PRKCZ: variants seen among roughly 807,000 people sequenced by gnomAD.
PRKCZ encodes the protein protein kinase C zeta type.
In PRKCZ, 33 loss-of-function variants were observed where a neutral mutation model predicts 79.5. That is an observed-to-expected ratio of 0.41 (90% CI 0.31 to 0.55). PRKCZ has a LOEUF of 0.55. Ranked by LOEUF, PRKCZ falls within the 20% of genes least tolerant of loss-of-function variation. PRKCZ has a pLI of 0.19. For missense variants in PRKCZ, 578 were observed against 813.5 expected (o/e 0.71, Z 3.52); for synonymous variants, 342 against 320.9 (o/e 1.07, Z -0.70).
chr1:2,054,454 G>T (rs1659967498), intron 1 of PRKCZ, among the ~76,000 whole-genome samples: 1 of 152,078 alleles, frequency 6.6e-6, no homozygotes, highest in African/African-American at 2.4e-5. Flanking sequence ...CTATCAGCAG[G>T]GAAGTGCCAG....
chr1:2,106,072 G>A (rs575930384), intron 4 of PRKCZ, among the ~76,000 whole-genome samples: 1 of 152,358 alleles, frequency 6.6e-6, no homozygotes, highest in African/African-American at 2.4e-5. Context: ...CCTCAGGATT[G>A]TTGGGAGATG....
intron 4 of PRKCZ, among the ~76,000 whole-genome samples, chr1:2,079,908 C>G (rs1663165454): frequency 6.6e-6 from 1 of 152,288 alleles, no homozygotes; most frequent in African/African-American, 2.4e-5. Context: ...GGGCATCTCA[C>G]CCCTAGTAAG....
rs1402573503 is a variant in PRKCZ at position 2,149,975 on chromosome 1, G to T, written c.688-815G>T. On this transcript the variant is annotated intron_variant, in intron 8 of 17. Transcript: ENST00000378567. This position sits in a 1 kb window ranked among gnomAD's most constrained non-coding sequence, Gnocchi z 4.1. ...AGATGGAGACCATCCTGGCTAACAC[G>T]GTGAAACCCCGTCTCTACTAAAAAT... 2.6e-5 allele frequency among the ~76,000 whole-genome samples: 4 copies of T among 151,222 alleles called. No individual in the cohort carries two copies. Among genetic ancestry groups the T allele is most frequent in the Admixed American group, 2.0e-4 (3 of 15,208 alleles).
chr1:2,083,766 G>T (rs780122098), intron 4 of PRKCZ, among the ~76,000 whole-genome samples: 2 of 152,162 alleles, frequency 1.3e-5, no homozygotes, highest in African/African-American at 2.4e-5. Context: ...TCTGGTAAAC[G>T]TGGGTATTCT....
At chr1:2,142,896 C>T (rs187839828) in intron 5 of PRKCZ, 1 of 152,598 alleles carries the variant, frequency 6.6e-6, no homozygotes, top group Non-Finnish European at 1.5e-5. Context: ...TTTGCTCAGC[C>T]GCACCTGATG....
chr1:2,120,121 G>A (rs999864526), intron 4 of PRKCZ, among the ~76,000 whole-genome samples: 8 of 152,090 alleles, frequency 5.3e-5, no homozygotes, highest in Middle Eastern at 6.8e-3. Flanking sequence ...GCCACCCCTG[G>A]AAGGCAACAT....
chr1:2,103,483 T>C (rs1314348105), intron 4 of PRKCZ, among the ~76,000 whole-genome samples: 1 of 152,046 alleles, frequency 6.6e-6, no homozygotes, highest in African/African-American at 2.4e-5. Context: ...ACACAGGTGC[T>C]CCGCAGGGAA....
intron 2 of PRKCZ, 48 bp downstream of exon 2, chr1:2,055,610 C>T (rs769275653): frequency 4.4e-6 from 7 of 1,584,264 alleles, no homozygotes; most frequent in African/African-American, 2.7e-5. Flanking sequence ...CAGGGGACTT[C>T]GCCAGGGCAG....
chr1:2,057,186 G>A (rs1047211347), intron 3 of PRKCZ, among the ~76,000 whole-genome samples: 6 of 152,328 alleles, frequency 3.9e-5, no homozygotes, highest in East Asian at 1.9e-4. Context: ...CCCTAGGCCC[G>A]GCTCCAGGCT....
At chr1:2,101,864 G>A (rs553433471) in intron 4 of PRKCZ, among the ~76,000 whole-genome samples, 10 of 152,320 alleles carry the variant, frequency 6.6e-5, no homozygotes, top group East Asian at 1.9e-4. Context: ...GCAGAGATAC[G>A]TGGTGGGTAT....
chr1:2,156,340 CA>C (rs1189596437), intron 10 of PRKCZ: 1 of 400,580 alleles, frequency 2.5e-6, no homozygotes, highest in Non-Finnish European at 4.7e-6. Flanking sequence ...TGAGTGCAGG[CA>C]TTGGGTCAGG....
At chr1:2,100,361 C>T (rs1667232308) in intron 4 of PRKCZ, among the ~76,000 whole-genome samples, 1 of 152,248 alleles carries the variant, frequency 6.6e-6, no homozygotes, top group Admixed American at 6.5e-5. Flanking sequence ...CCAGCCAGAC[C>T]TCTGTCTGTC....
intron 4 of PRKCZ, among the ~76,000 whole-genome samples, chr1:2,109,800 G>C (rs1240618417): frequency 6.6e-6 from 1 of 152,182 alleles, no homozygotes; most frequent in Non-Finnish European, 1.5e-5. Context: ...GTGCCACGTC[G>C]CTCAGATTTT....
At chr1:2,084,866 G>C (rs573941534) in intron 4 of PRKCZ, among the ~76,000 whole-genome samples, 1 of 152,260 alleles carries the variant, frequency 6.6e-6, no homozygotes, top group East Asian at 1.9e-4. Flanking sequence ...AAATTAGCCT[G>C]GTGTAGTGGT....
intron 16 of PRKCZ, chr1:2,182,719 A>G (rs896745659): frequency 4.5e-5 from 7 of 154,816 alleles, no homozygotes; most frequent in Non-Finnish European, 1.0e-4. Context: ...TGGTGGTTCC[A>G]TGAGGCTGGA....
At chr1:2,134,218 T>C (rs1557649249) in intron 4 of PRKCZ, among the ~76,000 whole-genome samples, 2 of 152,348 alleles carry the variant, frequency 1.3e-5, no homozygotes, top group East Asian at 3.9e-4. Flanking sequence ...GGTTTCGCTC[T>C]GAATCTTCCA....
chr1:2,169,527 G>A lies in PRKCZ; in HGVS notation c.984G>A (p.Leu328=), dbSNP rs552774106. The stretch of plus-strand genomic sequence containing the variant: ...GCCTCTCTCCCTGCAGGTTGTTCCT[G>A]GTCATTGAGTACGTCAACGGCGGGG... ...SCFQTTSRLF[L]VIEYVNGGDL... Residue 328 remains leucine, a synonymous_variant, in exon 11 of 18, where the codon CTG becomes CTA. Coordinates refer to ENST00000378567, the MANE Select transcript of PRKCZ (RefSeq NM_002744.6). 1.3e-6 allele frequency: 2 copies of A among 1,549,100 alleles called. No homozygotes were observed. The highest frequency in any genetic ancestry group is 1.7e-6 in the Non-Finnish European group (2 of 1,145,532).
chr1:2,143,249 TCAA>T (rs1677776144), intron 5 of PRKCZ: 1 of 152,242 alleles, frequency 6.6e-6, no homozygotes, highest in Non-Finnish European at 1.5e-5. Context: ...CAGGATGGTC[TCAA>T]TCTCCTGACC....
intron 4 of PRKCZ, among the ~76,000 whole-genome samples, chr1:2,115,962 T>C (rs1376025248): frequency 2.0e-5 from 3 of 152,166 alleles, no homozygotes; most frequent in Non-Finnish European, 4.4e-5. Context: ...GTCTCTCCTG[T>C]CTCCTCTCTG....
Sources: gnomAD v4.1 joint callset for allele counts (sites outside exome capture counted in the v4.1 genomes callset) on GRCh38, gnomAD v4.1.1 for gene constraint, Gnocchi (gnomAD v3.1) non-coding constraint, MANE v1.5 for transcripts, NCBI Gene and HGNC (gene_info 2026-07-23, HGNC 2026-07-21) for gene names.